The following FBXO24 variants were observed in gnomAD, a reference collection of about 807,000 sequenced individuals.
FBXO24 encodes F-box only protein 24.
FBXO24 carries 30 observed loss-of-function variants against 63.5 expected under a neutral mutation model. The observed-to-expected ratio is 0.47, with a 90% CI of 0.35 to 0.64. The LOEUF is 0.64. Ranked by LOEUF, FBXO24 falls within the 30% of genes least tolerant of loss-of-function variation. The pLI, the probability that FBXO24 is intolerant of heterozygous loss-of-function variation, is 0.00. For synonymous variants in FBXO24, 300 were observed against 305.0 expected, an observed-to-expected ratio of 0.98 and a Z score of 0.17; for missense variants, 624 against 763.4, an observed-to-expected ratio of 0.82 and a Z score of 2.15.
Position 100,594,992 on chromosome 7 carries a change from C to G in FBXO24, c.953-110C>G. The stretch of plus-strand genomic sequence containing the variant: ...TCCCAGGCATCATAGTTGATGCATT[C>G]CTAGTGGGTATGAGACTCCTTGGAT... On this transcript the variant is annotated intron_variant, in intron 6 of 9. Transcript: ENST00000241071. The surrounding 1 kb of genome is among the most constrained non-coding windows in gnomAD (Gnocchi z 4.2). The G allele has an allele frequency of 2.1e-6, 3 of 1,443,102 alleles. No individual in the cohort carries two copies. Among genetic ancestry groups the G allele is most frequent in the South Asian group, 1.3e-5 (1 of 78,376 alleles). The allele number at this position is 1,443,102 out of a possible 1,614,324, so 89.4% of individuals were successfully genotyped here.
intron 8 of FBXO24, among the ~76,000 whole-genome samples, chr7:100,596,015 C>T (rs1031701826): frequency 2.0e-5 from 3 of 152,022 alleles, no homozygotes; most frequent in Admixed American, 6.6e-5. Context: ...CAGAGCCTCA[C>T]GCCTGTAATC....
Position 100,586,337 on chromosome 7 carries a change from G to A in FBXO24, c.-289G>A. On this transcript the variant is annotated 5_prime_UTR_variant, in exon 1 of 10. Coordinates refer to ENST00000241071, the MANE Select transcript of FBXO24 (RefSeq NM_033506.3). ...GGAGGGGAACAAGGATAGAGCGCTC[G>A]CCAACGGCCGACGCTCCAGGCCGTC... 1 of 662,328 alleles carries A rather than the reference G, an allele frequency of 1.5e-6. No individual in the cohort carries two copies. Among genetic ancestry groups the A allele is most frequent in the Non-Finnish European group, 2.5e-6 (1 of 394,330 alleles). The allele number at this position is 662,328 out of a possible 1,614,324, so 41.0% of individuals were successfully genotyped here. A position where few individuals can be genotyped will look rare whatever the true frequency, so the allele number is the denominator to read the frequency against.
At position 100,586,518 on chromosome 7, in the gene FBXO24, A is replaced by G. The variant is rs1041627036; in HGVS notation, c.-108A>G. The G allele has an allele frequency of 3.5e-5, 42 of 1,209,530 alleles. 1 individual carries two copies. The highest frequency in any genetic ancestry group is 3.8e-4 in the Middle Eastern group (2 of 5,262). 74.9% of individuals were successfully genotyped at this position (1,209,530 alleles called of 1,614,324 possible). ...GCCTAGTCCTCGTCCCCCAAAGACC[A>G]ATCGTAAGCCAGATACAGGCGAGTG... On this transcript the variant is annotated 5_prime_UTR_variant, in exon 1 of 10. Coordinates refer to ENST00000241071, the MANE Select transcript of FBXO24 (RefSeq NM_033506.3).
intron 8 of FBXO24, among the ~76,000 whole-genome samples, chr7:100,597,880 T>G (rs569266495): frequency 2.2e-4 from 32 of 142,684 alleles, no homozygotes; most frequent in South Asian, 9.0e-4. Context: ...TTTTTGTTTT[T>G]TTTGTTTTTT....
intron 8 of FBXO24, among the ~76,000 whole-genome samples, chr7:100,596,624 T>G (rs890822977): frequency 3.3e-5 from 5 of 151,964 alleles, no homozygotes; most frequent in Admixed American, 3.3e-4. Flanking sequence ...TGTTGAGTGA[T>G]GACAGCACTT....
intron 8 of FBXO24, among the ~76,000 whole-genome samples, chr7:100,597,383 A>ATTTATT (rs896204495): frequency 1.3e-5 from 2 of 152,102 alleles, no homozygotes; most frequent in African/African-American, 4.8e-5. Context: ...ACATAGTACC[A>ATTTATT]TTTATTTTTA....
chr7:100,598,362 C>G (rs1214871774), intron 8 of FBXO24, among the ~76,000 whole-genome samples: 1 of 152,134 alleles, frequency 6.6e-6, no homozygotes, highest in Non-Finnish European at 1.5e-5. Flanking sequence ...CCATAAATTA[C>G]TTATCAGTGT....
In FBXO24 at chr7:100,594,437, G is replaced by A. The variant is rs771351209; in HGVS notation, c.848G>A (p.Arg283His). ...VVNETQLDQP[R>H]SYTVQLALRK... ...AATGAGACCCAGCTTGACCAGCCAC[G>A]CTCCTACACGGTTCAGCTGGCCCTG... Residue 283 changes from arginine to histidine, a missense_variant, in exon 6 of 10, where the codon CGC (arginine) becomes CAC (histidine). Around this residue, in one of 3 missense-constraint regions of FBXO24, gnomAD observed 391 missense variants for 469.1 expected, o/e 0.83. Transcript: ENST00000241071. The surrounding 1 kb of genome is among the most constrained non-coding windows in gnomAD (Gnocchi z 4.2). The A allele has an allele frequency of 5.6e-6, 9 of 1,612,974 alleles. No homozygotes were observed. The highest frequency in any genetic ancestry group is 2.2e-5 in the East Asian group (1 of 44,810).
At chr7:100,592,080 C>A (rs1394985656) in intron 4 of FBXO24, 178 bp downstream of exon 4, 1 of 584,538 alleles carries the variant, frequency 1.7e-6, no homozygotes, top group Non-Finnish European at 3.0e-6. Flanking sequence ...GGCCAAATGG[C>A]GAAACCCGTC....
chr7:100,590,262 A>T lies in FBXO24; in HGVS notation c.227A>T (p.Glu76Val), dbSNP rs758262458. ...CRYFHEVCDG[E>V]GVWRRICRRL... ...TACTTCCACGAAGTGTGCGATGGGG[A>T]AGGCGTGTGGAGACGCATCTGTCGC... Residue 76 changes from glutamate to valine, a missense_variant, in exon 3 of 10, where the codon GAA becomes GTA. Transcript: ENST00000241071. 6.2e-7 allele frequency: 1 copy of T among 1,614,120 alleles called. No individual in the cohort carries two copies. Among genetic ancestry groups the T allele is most frequent in the Non-Finnish European group, 8.5e-7 (1 of 1,180,014 alleles).
Position 100,594,469 on chromosome 7 carries a change from G to A in FBXO24, c.880G>A (p.Val294Met), listed in dbSNP as rs760313306. Residue 294 changes from valine to methionine, a missense_variant, in exon 6 of 10, where the codon GTG becomes ATG. Val to Met is a conservative substitution (Grantham distance 21, BLOSUM62 1). Coordinates refer to ENST00000241071, the MANE Select transcript of FBXO24 (RefSeq NM_033506.3). The surrounding 1 kb of genome is among the most constrained non-coding windows in gnomAD (Gnocchi z 4.2). The part of the protein sequence containing the change: ...SYTVQLALRK[V>M]SHYLPHLRVA... ...CACGGTTCAGCTGGCCCTGAGGAAG[G>A]TGTCCCACTACCTGCCTCACCTGCG... 1.2e-6 allele frequency: 2 copies of A among 1,613,598 alleles called. No homozygotes were observed. The highest frequency in any genetic ancestry group is 2.2e-5 in the South Asian group (2 of 91,000).
chr7:100,596,810 A>G (rs552476884), intron 8 of FBXO24, among the ~76,000 whole-genome samples: 1 of 152,326 alleles, frequency 6.6e-6, no homozygotes, highest in South Asian at 2.1e-4. Context: ...TGGGAGACCA[A>G]GGTGGGTGGA....
chr7:100,600,837 G>T lies in FBXO24; in HGVS notation c.1681G>T (p.Asp561Tyr). 2.5e-6 allele frequency: 4 copies of T among 1,614,084 alleles called. No homozygotes were observed. The South Asian group carries it at 4.4e-5, about 18-fold the overall frequency. ...GAAGGACTTCTTCTGGGAGGCCCTG[G>T]ACATGCTGCAGAGGGCTGAAGGAGG... ...AQKDFFWEALDMLQRAEGGGG... is the reference protein window; with the variant it reads ...AQKDFFWEALYMLQRAEGGGG... The change falls in exon 10 of 10, where the codon GAC becomes TAC. Residue 561 changes from aspartate to tyrosine, a missense_variant. Transcript: ENST00000241071. The surrounding 1 kb of genome is among the most constrained non-coding windows in gnomAD (Gnocchi z 6.3).
chr7:100,593,191 T>C, intron 5 of FBXO24, 174 bp downstream of exon 5: 1 of 582,314 alleles, frequency 1.7e-6, no homozygotes, highest in South Asian at 2.0e-5. Context: ...CTGCTTAATA[T>C]TTTATATGAA....
At position 100,599,578 on chromosome 7, in the gene FBXO24, AAAAG is replaced by A. The variant is rs1368463996; in HGVS notation, c.1207-437_1207-434del. 2.7e-3 allele frequency: 428 copies of A among 157,782 alleles called. 5 individuals carry two copies. The highest frequency in any genetic ancestry group is 7.2e-3 in the South Asian group (44 of 6,080). 9.8% of individuals were successfully genotyped at this position (157,782 alleles called of 1,614,324 possible). On this transcript the variant is annotated intron_variant, in intron 8 of 9. Coordinates refer to ENST00000241071, the MANE Select transcript of FBXO24 (RefSeq NM_033506.3). The stretch of plus-strand genomic sequence containing the variant: ...GACTCTGTCTCAAACAAAAAAAAAA[AAAAG>A]AAAGAAAGAAAGAAAAGATAATACT...
intron 5 of FBXO24, 25 bp downstream of exon 5, chr7:100,593,042 G>A (rs747171534): frequency 6.2e-7 from 1 of 1,601,766 alleles, no homozygotes; most frequent in South Asian, 1.1e-5. Flanking sequence ...AATGGCTTTT[G>A]CAAACTGTTT....
At chr7:100,589,333 C>T (rs1474883490) in intron 1 of FBXO24, 15 of 1,018,192 alleles carry the variant, frequency 1.5e-5, no homozygotes, top group East Asian at 6.7e-5. Flanking sequence ...TGTTTCTCTA[C>T]AGAGTTAGTG....
At position 100,601,002 on chromosome 7, in the gene FBXO24, A is replaced by AG; in HGVS notation, c.*108dup. On this transcript the variant is annotated 3_prime_UTR_variant, in exon 10 of 10. Transcript: ENST00000241071. The stretch of plus-strand genomic sequence containing the variant: ...CACATGCGTGTGGGAAGGGGTTGCT[A>AG]GGGGGTGGGGACGGCTAACCAGGGT... 1 of 1,488,064 alleles carries AG rather than the reference A, an allele frequency of 6.7e-7. No homozygotes were observed. The allele number at this position is 1,488,064 out of a possible 1,614,324, so 92.2% of individuals were successfully genotyped here.
Position 100,594,593 on chromosome 7 carries a change from A to G in FBXO24, c.952+52A>G. On this transcript the variant is annotated intron_variant, in intron 6 of 9. Transcript: ENST00000241071. This position sits in a 1 kb window ranked among gnomAD's most constrained non-coding sequence, Gnocchi z 4.2. The stretch of plus-strand genomic sequence containing the variant: ...GCCCGCAGCCTTGGTTAGACCCTCT[A>G]AACATCAACACCCTTCACCCTTACT... 1 of 1,464,332 alleles carries G rather than the reference A, an allele frequency of 6.8e-7. No homozygotes were observed. Among genetic ancestry groups the G allele is most frequent in the Non-Finnish European group, 9.0e-7 (1 of 1,105,256 alleles). 90.7% of individuals were successfully genotyped at this position (1,464,332 alleles called of 1,614,324 possible). A position where few individuals can be genotyped will look rare whatever the true frequency, so the allele number is the denominator to read the frequency against.
Sources: gnomAD v4.1 joint callset for allele counts (sites outside exome capture counted in the v4.1 genomes callset) on GRCh38, gnomAD v4.1.1 for gene constraint, gnomAD v4.1.1 regional missense constraint, Gnocchi (gnomAD v3.1) non-coding constraint, MANE v1.5 for transcripts, NCBI Gene and HGNC (gene_info 2026-07-23, HGNC 2026-07-21) for gene names.